RABIF: variants seen among roughly 807,000 people sequenced by gnomAD.
RABIF encodes RAB interacting factor.
Under a neutral mutation model 12.3 loss-of-function variants are expected in RABIF, and 13 were observed. That is an observed-to-expected ratio of 1.06 (90% CI 0.69 to 1.68). The LOEUF is 1.68. Among genes scored for constraint, RABIF ranks in the 40% most tolerant of loss-of-function variants. The probability of loss-of-function intolerance (pLI) is 0.00; values close to 1 mark genes in which losing one functional copy is unlikely to be tolerated. For missense variants in RABIF, 153 were observed against 158.0 expected, an observed-to-expected ratio of 0.97 and a Z score of 0.17; for synonymous variants, 70 against 63.3, an observed-to-expected ratio of 1.11 and a Z score of -0.50.
At chr1:202,887,029 GT>G (rs760590068) in intron 1 of RABIF, among the ~76,000 whole-genome samples, 520 of 26,204 alleles carry the variant, frequency 0.02, 8 homozygotes, top group East Asian at 0.081. Context: ...GCTATGTTTT[GT>G]TTTTTTTTTT....
At chr1:202,886,800 T>C (rs1659569461) in intron 1 of RABIF, among the ~76,000 whole-genome samples, 1 of 151,200 alleles carries the variant, frequency 6.6e-6, no homozygotes, top group Admixed American at 6.6e-5. Flanking sequence ...TGGAGTGCAG[T>C]GGTGCAATCT....
intron 1 of RABIF, among the ~76,000 whole-genome samples, chr1:202,882,110 T>C (rs1659499517): frequency 1.3e-5 from 2 of 152,186 alleles, no homozygotes; most frequent in South Asian, 4.1e-4. Context: ...CTAGGCGTGG[T>C]GGTACACACC....
chr1:202,881,285 C>T (rs952159881), intron 1 of RABIF, 62 bp from the exon 2 acceptor site: 1 of 1,552,740 alleles, frequency 6.4e-7, no homozygotes, highest in Non-Finnish European at 8.7e-7. Context: ...ATCAACACCC[C>T]CGTTCTAGGT....
intron 1 of RABIF, among the ~76,000 whole-genome samples, chr1:202,888,654 G>C (rs1451237822): frequency 6.6e-6 from 1 of 152,202 alleles, no homozygotes; most frequent in Non-Finnish European, 1.5e-5. Flanking sequence ...CGCCCGCGGA[G>C]CACCGGCCTT....
At position 202,878,351 on chromosome 1, in the gene RABIF, G is replaced by A. The variant is rs1406891420; in HGVS notation, c.*2627C>T. On this transcript the variant is annotated 3_prime_UTR_variant, in exon 2 of 2. Transcript: ENST00000367262. ...TGGCAAATGCTCCCAGGAGAACGGT[G>A]GCCCTCACACCAAGCCCACCTCCCA... Among the ~76,000 whole-genome samples the A allele has an allele frequency of 6.6e-6, 1 of 152,152 alleles. No homozygotes were observed. The highest frequency in any genetic ancestry group is 1.5e-5 in the Non-Finnish European group (1 of 68,032).
At chr1:202,886,331 A>AGGG (rs1659561695) in intron 1 of RABIF, among the ~76,000 whole-genome samples, 1 of 100,494 alleles carries the variant, frequency 1.0e-5, no homozygotes, top group African/African-American at 3.9e-5. Flanking sequence ...GTGGGAAGGG[A>AGGG]AGGGAGGGAG....
At chr1:202,883,912 C>A (rs560469825) in intron 1 of RABIF, among the ~76,000 whole-genome samples, 25 of 152,172 alleles carry the variant, frequency 1.6e-4, no homozygotes, top group Non-Finnish European at 2.4e-4. Context: ...GCATCTCTGC[C>A]TGGATCTCAA....
rs982852365 is a variant in RABIF, at chr1:202,889,100, G to C, written c.-2C>G. On this transcript the variant is annotated 5_prime_UTR_variant, in exon 1 of 2. Transcript: ENST00000367262. ...GCTCGGCTGCTCCGCTGGTTCCATC[G>C]CCGCTGCCGCCACAGGCTCCTCAGC... is the stretch of plus-strand genomic sequence containing the variant. The C allele has an allele frequency of 6.3e-7, 1 of 1,599,906 alleles. No individual in the cohort carries two copies. The highest frequency in any genetic ancestry group is 2.3e-5 in the East Asian group (1 of 43,898).
intron 1 of RABIF, among the ~76,000 whole-genome samples, chr1:202,882,979 T>C (rs1005191878): frequency 1.1e-4 from 17 of 152,180 alleles, no homozygotes; most frequent in African/African-American, 4.1e-4. Flanking sequence ...CTAGGATGCT[T>C]GTACCCTCCA....
In RABIF at chr1:202,887,024, G is replaced by GT. The variant is rs61356068; in HGVS notation, c.126+1948dup. On this transcript the variant is annotated intron_variant, in intron 1 of 1. Transcript: ENST00000367262. ...AGCTGGGATTACAGGTGTGGGCTAT[G>GT]TTTTGTTTTTTTTTTTTTTTTTTAA... is the stretch of plus-strand genomic sequence containing the variant. Among the ~76,000 whole-genome samples the GT allele has an allele frequency of 2.5e-3, 229 of 90,720 alleles. 1 individual carries two copies. The highest frequency in any genetic ancestry group is 8.6e-3 in the African/African-American group (217 of 25,154). The allele number at this position is 90,720 out of a possible 152,430, so 59.5% of individuals were successfully genotyped here. A position where few individuals can be genotyped will look rare whatever the true frequency, so the allele number is the denominator to read the frequency against.
rs1401041934 is a variant in RABIF at position 202,878,701 on chromosome 1, A to G, written c.*2277T>C. Among the ~76,000 whole-genome samples the G allele has an allele frequency of 2.0e-5, 3 of 152,218 alleles. No individual in the cohort carries two copies. The highest frequency in any genetic ancestry group is 7.2e-5 in the African/African-American group (3 of 41,458). ...TTTCACAAAATCAACTGCTCTCCCC[A>G]ATAGAAAACGGAAGTTTCTATACTC... On this transcript the variant is annotated 3_prime_UTR_variant, in exon 2 of 2. Transcript: ENST00000367262.
At chr1:202,882,680 T>TTGTG (rs1659507769) in intron 1 of RABIF, among the ~76,000 whole-genome samples, 1 of 5,798 alleles carries the variant, frequency 1.7e-4, no homozygotes, top group South Asian at 4.5e-3. Context: ...CCACTCCTAC[T>TTGTG]TGTTTATTGC....
chr1:202,886,564 G>A (rs1659565261), intron 1 of RABIF, among the ~76,000 whole-genome samples: 1 of 151,866 alleles, frequency 6.6e-6, no homozygotes, highest in African/African-American at 2.4e-5. Flanking sequence ...CAGCCTCGGC[G>A]ACAGAGGGAG....
In RABIF at chr1:202,889,141, G is replaced by T. The variant is rs1345896895; in HGVS notation, c.-43C>A. On this transcript the variant is annotated 5_prime_UTR_variant, in exon 1 of 2. Transcript: ENST00000367262. ...GCTCCTCAGCCACGGCTGCGCAGAC[G>T]CTGTCTCTGCTGGCTCGTTATTCAC... 4 of 1,564,198 alleles carry T rather than the reference G, an allele frequency of 2.6e-6. No homozygotes were observed. Among genetic ancestry groups the T allele is most frequent in the Non-Finnish European group, 3.5e-6 (4 of 1,156,626 alleles).
At chr1:202,885,359 A>T (rs550635123) in intron 1 of RABIF, among the ~76,000 whole-genome samples, 1 of 152,168 alleles carries the variant, frequency 6.6e-6, no homozygotes, top group South Asian at 2.1e-4. Flanking sequence ...TAGTTCTCCA[A>T]CTGTTCCCAT....
intron 1 of RABIF, 47 bp from the exon 2 acceptor site, chr1:202,881,270 G>A (rs1183504001): frequency 1.3e-6 from 2 of 1,573,322 alleles, no homozygotes; most frequent in African/African-American, 2.7e-5. Flanking sequence ...AACTGGCCCA[G>A]TTCCATCAAC....
At chr1:202,885,510 G>A (rs909835353) in intron 1 of RABIF, among the ~76,000 whole-genome samples, 6 of 152,238 alleles carry the variant, frequency 3.9e-5, no homozygotes, top group African/African-American at 1.4e-4. Context: ...TAACAGCCCT[G>A]CTGTAATTGC....
chr1:202,880,786 A>C lies in RABIF; in HGVS notation c.*192T>G, dbSNP rs1022997691. ...TAGGAAATGTGATACAAAGTGAACT[A>C]AGCAGGAGGCATGTACTTGAGGCTT... is the stretch of plus-strand genomic sequence containing the variant. On this transcript the variant is annotated 3_prime_UTR_variant, in exon 2 of 2. Coordinates refer to ENST00000367262, the MANE Select transcript of RABIF (RefSeq NM_002871.5). The C allele has an allele frequency of 6.5e-6, 9 of 1,378,152 alleles. No individual in the cohort carries two copies. Among genetic ancestry groups the C allele is most frequent in the African/African-American group, 1.4e-5 (1 of 69,110 alleles). The allele number at this position is 1,378,152 out of a possible 1,614,324, so 85.4% of individuals were successfully genotyped here. A position where few individuals can be genotyped will look rare whatever the true frequency, so the allele number is the denominator to read the frequency against.
rs1171155493 is a variant in RABIF at position 202,879,361 on chromosome 1, T to A, written c.*1617A>T. 6.6e-6 allele frequency: 1 copy of A among 152,212 alleles called. No homozygotes were observed. Among genetic ancestry groups the A allele is most frequent in the Non-Finnish European group, 1.5e-5 (1 of 68,056 alleles). The allele number at this position is 152,212 out of a possible 1,614,324, so 9.4% of individuals were successfully genotyped here. ...TGCCCAGGTAATTTTGTTCATTTTT[T>A]AAATAGAGATGGGGTCTCACTATGT... On this transcript the variant is annotated 3_prime_UTR_variant, in exon 2 of 2. Transcript: ENST00000367262.
Sources: gnomAD v4.1 joint callset for allele counts (sites outside exome capture counted in the v4.1 genomes callset) on GRCh38, gnomAD v4.1.1 for gene constraint, MANE v1.5 for transcripts, NCBI Gene and HGNC (gene_info 2026-07-23, HGNC 2026-07-21) for gene names.